SYT14: variants seen among roughly 807,000 people sequenced by gnomAD.
SYT14 encodes synaptotagmin 14, also known as synaptotagmin-14.
A neutral mutation model predicts 74.2 loss-of-function variants in SYT14; 32 were observed. The observed-to-expected ratio is 0.43, with a 90% confidence interval of 0.33 to 0.58. The LOEUF is 0.58. Among genes scored for constraint, SYT14 ranks in the 20% least tolerant of loss-of-function variants. SYT14 has a pLI of 0.05. For missense variants in SYT14, 791 were observed against 981.8 expected, an observed-to-expected ratio of 0.81 and a Z score of 2.60; for synonymous variants, 298 against 337.7, an observed-to-expected ratio of 0.88 and a Z score of 1.29.
At chr1:209,957,526 A>G (rs910789674) in intron 2 of SYT14, among the ~76,000 whole-genome samples, 18 of 151,950 alleles carry the variant, frequency 1.2e-4, no homozygotes, top group African/African-American at 4.1e-4. Flanking sequence ...TCCTGGGTTC[A>G]GGGGATTCTC....
chr1:210,053,711 C>T (rs1031170086), intron 5 of SYT14, among the ~76,000 whole-genome samples: 2 of 152,172 alleles, frequency 1.3e-5, no homozygotes, highest in African/African-American at 4.8e-5. Flanking sequence ...TGTTCAACTT[C>T]TGGTACCAAT....
chr1:210,091,713 T>G (rs2081871643), intron 5 of SYT14, among the ~76,000 whole-genome samples: 1 of 152,152 alleles, frequency 6.6e-6, no homozygotes, highest in Non-Finnish European at 1.5e-5. Flanking sequence ...CCCTCCTGGA[T>G]CCTACATTGT....
At chr1:210,008,817 T>G (rs535046326) in intron 2 of SYT14, among the ~76,000 whole-genome samples, 17 of 152,326 alleles carry the variant, frequency 1.1e-4, no homozygotes, top group Non-Finnish European at 2.2e-4. Context: ...CTAAGCAGAT[T>G]CATAGTATAC....
chr1:210,094,512 A>T, exon 6 of SYT14: 1 of 1,613,860 alleles, frequency 6.2e-7, no homozygotes, highest in African/African-American at 1.3e-5. Flanking sequence ...AAGGAAGCAC[A>T]GGTCATGAAA....
chr1:210,000,537 T>C (rs1326617405), intron 2 of SYT14, among the ~76,000 whole-genome samples: 1 of 151,538 alleles, frequency 6.6e-6, no homozygotes, highest in Non-Finnish European at 1.5e-5. Context: ...CTGTTGCTTT[T>C]ATCGAATTTA....
chr1:209,967,741 T>C lies in SYT14; in HGVS notation c.-486+14985T>C, dbSNP rs1207880890. On this transcript the variant is annotated intron_variant, in intron 2 of 9. Coordinates refer to ENST00000637265, the Ensembl canonical transcript of SYT14. ...GGTAAAGGTTTATTGGTTTTCTTGGTGTTAAAGAGTTAGGTTTTTGTTTCA... is the reference window on the plus strand; with the variant it reads ...GGTAAAGGTTTATTGGTTTTCTTGGCGTTAAAGAGTTAGGTTTTTGTTTCA... Among the ~76,000 whole-genome samples the C allele has an allele frequency of 2.0e-5, 3 of 152,136 alleles. No homozygotes were observed. In the South Asian group the frequency reaches 6.2e-4, roughly 31 times the overall value.
chr1:210,120,298 A>T (rs34008763), intron 7 of SYT14, among the ~76,000 whole-genome samples: 3,428 of 152,088 alleles, frequency 0.023, 63 homozygotes, highest in South Asian at 0.043. Flanking sequence ...AACAGATCAC[A>T]TAATTGATGG....
chr1:210,133,014 T>G (rs2082709716), intron 7 of SYT14, among the ~76,000 whole-genome samples: 1 of 152,238 alleles, frequency 6.6e-6, no homozygotes, highest in South Asian at 2.1e-4. Context: ...TATATCTTAC[T>G]CTGATCTTTT....
exon 10 of SYT14, chr1:210,169,221 G>GTTTTTTT (rs35974726): frequency 1.6e-3 from 79 of 50,234 alleles, no homozygotes; most frequent in African/African-American, 1.9e-3. Flanking sequence ...TGTTTTTGGT[G>GTTTTTTT]TTTTTTTTTT....
chr1:209,992,630 A>G (rs2079713249), intron 2 of SYT14, among the ~76,000 whole-genome samples: 2 of 152,160 alleles, frequency 1.3e-5, no homozygotes, highest in Non-Finnish European at 2.9e-5. Context: ...CCACTATGCA[A>G]TATATCTTTG....
intron 5 of SYT14, among the ~76,000 whole-genome samples, chr1:210,073,194 A>G (rs2081427220): frequency 6.6e-6 from 1 of 151,992 alleles, no homozygotes; most frequent in Non-Finnish European, 1.5e-5. Context: ...TGGTAAGTTC[A>G]TAACAATGGT....
chr1:210,146,219 T>C (rs1209092214), intron 7 of SYT14, among the ~76,000 whole-genome samples: 2 of 152,070 alleles, frequency 1.3e-5, no homozygotes, highest in East Asian at 3.9e-4. Flanking sequence ...ATGCCTGTAG[T>C]CCCAGCCACT....
In SYT14 at chr1:209,944,747, G is replaced by GT. The variant is rs571904064; in HGVS notation, c.-534+6480dup. ...GAGGGTTGGAGGCCTGAAGTTTTTTGTTTTTTTTTTCCCTCTCTTTTTTAA... is the reference window on the plus strand; with the variant it reads ...GAGGGTTGGAGGCCTGAAGTTTTTTGTTTTTTTTTTTCCCTCTCTTTTTTAA... On this transcript the variant is annotated intron_variant, in intron 1 of 9. Transcript: ENST00000637265. Among the ~76,000 whole-genome samples, 635 of 146,552 alleles carry GT rather than the reference G, an allele frequency of 4.3e-3. 2 individuals are homozygous for GT. Among genetic ancestry groups the GT allele is most frequent in the Non-Finnish European group, 7.1e-3 (471 of 66,264 alleles).
intron 1 of SYT14, among the ~76,000 whole-genome samples, chr1:209,941,255 A>C (rs1388412124): frequency 6.6e-6 from 1 of 152,246 alleles, no homozygotes; most frequent in Non-Finnish European, 1.5e-5. Context: ...AAAAAGAGAC[A>C]AATATAAGAT....
exon 10 of SYT14, chr1:210,161,153 A>G (rs750469204): frequency 3.6e-5 from 43 of 1,199,630 alleles, no homozygotes; most frequent in Non-Finnish European, 5.0e-5. Context: ...ATCATATTCA[A>G]CCTTCTACCA....
intron 5 of SYT14, among the ~76,000 whole-genome samples, chr1:210,036,230 G>A (rs1428051549): frequency 6.6e-6 from 1 of 151,894 alleles, no homozygotes; most frequent in Non-Finnish European, 1.5e-5. Context: ...TTGGATCTCA[G>A]CTTATTGTTG....
At chr1:210,155,756 G>A (rs61743985) in exon 8 of SYT14, 35 of 1,613,920 alleles carry the variant, frequency 2.2e-5, no homozygotes, top group Middle Eastern at 3.3e-4. Flanking sequence ...CAGAAATGTC[G>A]TGTAGTGAAA....
chr1:210,039,503 G>A lies in SYT14; in HGVS notation c.1312+18249G>A, dbSNP rs149292824. On this transcript the variant is annotated intron_variant, in intron 5 of 9. Transcript: ENST00000637265. The stretch of plus-strand genomic sequence containing the variant: ...AGATTTCATGACTAAAACACCAAAA[G>A]CAATGGCAACAGAAGCCAAAATTGA... Among the ~76,000 whole-genome samples the A allele has an allele frequency of 9.8e-3, 1,492 of 152,212 alleles. 19 individuals are homozygous for A. The highest frequency in any genetic ancestry group is 0.054 in the Middle Eastern group (16 of 294).
intron 5 of SYT14, among the ~76,000 whole-genome samples, chr1:210,071,844 A>G (rs1182128264): frequency 2.0e-5 from 3 of 151,998 alleles, no homozygotes; most frequent in South Asian, 4.1e-4. Flanking sequence ...TTAACCTTGA[A>G]CAATCTGCAT....
Sources: gnomAD v4.1 joint callset for allele counts (sites outside exome capture counted in the v4.1 genomes callset) on GRCh38, gnomAD v4.1.1 for gene constraint, MANE v1.5 for transcripts, NCBI Gene and HGNC (gene_info 2026-07-23, HGNC 2026-07-21) for gene names.